HLTF: variants seen among roughly 807,000 people sequenced by gnomAD.
The protein encoded by HLTF is DNA-dependent ATPase/E3 ubiquitin-protein ligase HLTF.
HLTF carries 127 observed loss-of-function variants against 129.4 expected under a neutral mutation model. The ratio of observed to expected loss-of-function variants is 0.98; its 90% CI spans 0.85 to 1.14. The LOEUF is 1.14. HLTF is among the 50% of genes most tolerant of loss of function. HLTF has a pLI of 0.00. For missense variants in HLTF, 1,139 were observed against 1,187.1 expected (o/e 0.96, Z 0.60); for synonymous variants, 332 against 388.8 (o/e 0.85, Z 1.72).
intron 24 of HLTF, 80 bp downstream of exon 24, chr3:149,034,835 CATA>C (rs1392997085): frequency 2.3e-6 from 2 of 886,930 alleles, no homozygotes; most frequent in African/African-American, 1.7e-5. Flanking sequence ...TACACTCAAT[CATA>C]ATAATATATT....
At chr3:149,060,535 A>C in intron 12 of HLTF, 108 bp downstream of exon 12, 2 of 831,244 alleles carry the variant, frequency 2.4e-6, no homozygotes, top group South Asian at 3.5e-5. Context: ...ACATCAGCCA[A>C]GTTTAAGAGC....
chr3:149,035,788 G>A (rs1715557342), intron 23 of HLTF, among the ~76,000 whole-genome samples: 2 of 151,380 alleles, frequency 1.3e-5, no homozygotes, highest in South Asian at 4.2e-4. Context: ...GCTAAAAAAA[G>A]TACCATTAGC....
At chr3:149,063,061 CTT>C (rs1307239006) in intron 10 of HLTF, 12 of 456,536 alleles carry the variant, frequency 2.6e-5, no homozygotes, top group Admixed American at 4.7e-5. Context: ...CTATCTCTCT[CTT>C]TTTCTTTTTT....
chr3:149,070,553 T>C (rs941835328), intron 7 of HLTF, among the ~76,000 whole-genome samples: 9 of 152,348 alleles, frequency 5.9e-5, no homozygotes, highest in Admixed American at 5.9e-4. Flanking sequence ...AAATCAGTAA[T>C]TTTTATGAGT....
At chr3:149,044,981 T>C (rs1016684536) in intron 18 of HLTF, among the ~76,000 whole-genome samples, 3 of 152,160 alleles carry the variant, frequency 2.0e-5, no homozygotes, top group Non-Finnish European at 4.4e-5. Flanking sequence ...AGAGTGATCT[T>C]TTAAAAATAT....
intron 14 of HLTF, among the ~76,000 whole-genome samples, chr3:149,054,853 G>A (rs754895989): frequency 5.9e-5 from 9 of 152,156 alleles, no homozygotes; most frequent in Non-Finnish European, 1.0e-4. Flanking sequence ...TAACAGTTAT[G>A]AGAATTAAAT....
intron 19 of HLTF, 102 bp from the exon 20 acceptor site, chr3:149,041,770 C>G: frequency 2.5e-6 from 2 of 812,200 alleles, no homozygotes; most frequent in East Asian, 2.5e-5. Context: ...GGGAAAGTCT[C>G]TCATCATTTT....
At chr3:149,072,106 A>T (rs758823272) in intron 5 of HLTF, among the ~76,000 whole-genome samples, 2 of 152,134 alleles carry the variant, frequency 1.3e-5, no homozygotes, top group Non-Finnish European at 2.9e-5. Context: ...AACTAGTCAA[A>T]CGCCAAAAAG....
At position 149,030,439 on chromosome 3, in the gene HLTF, A is replaced by AAAC. The variant is rs1413678464; in HGVS notation, c.*1778_*1780dup. The AAAC allele has an allele frequency of 6.6e-6, 1 of 151,948 alleles. No individual in the cohort carries two copies. The highest frequency in any genetic ancestry group is 1.5e-5 in the Non-Finnish European group (1 of 67,984). The allele number at this position is 151,948 out of a possible 1,614,324, so 9.4% of individuals were successfully genotyped here. Reference sequence around the variant, plus strand: ...AAACTTACTTATGAGTGTGTTTTAAAAACAACTTTGTAAATGTCTGGGCAA... The same window carrying AAAC: ...AAACTTACTTATGAGTGTGTTTTAAAAACAACAACTTTGTAAATGTCTGGGCAA... On this transcript the variant is annotated 3_prime_UTR_variant, in exon 25 of 25. Transcript: ENST00000310053.
rs1718214135 is a variant in HLTF, at chr3:149,064,775, CA to C, written c.1066+15del. On this transcript the variant is annotated intron_variant, in intron 9 of 24. Coordinates refer to ENST00000310053, the MANE Select transcript of HLTF (RefSeq NM_003071.4). The stretch of plus-strand genomic sequence containing the variant: ...TACCAGATCAAATATTGGATCATTT[CA>C]AAATTAGCATTTACCTTTGCTTAGT... The C allele has an allele frequency of 6.8e-7, 1 of 1,463,970 alleles. No homozygotes were observed. The highest frequency in any genetic ancestry group is 9.6e-7 in the Non-Finnish European group (1 of 1,046,406). The allele number at this position is 1,463,970 out of a possible 1,614,324, so 90.7% of individuals were successfully genotyped here.
intron 13 of HLTF, among the ~76,000 whole-genome samples, chr3:149,057,426 A>AAAAC (rs538092577): frequency 0.051 from 7,721 of 152,108 alleles, 282 homozygotes; most frequent in Admixed American, 0.088. Context: ...ACTCCGTCTC[A>AAAAC]AAACAAACAA....
chr3:149,032,861 G>A (rs1216680418), intron 24 of HLTF, among the ~76,000 whole-genome samples: 1 of 151,648 alleles, frequency 6.6e-6, no homozygotes, highest in East Asian at 1.9e-4. Flanking sequence ...TACTCGGGAG[G>A]CTGAGGCAGG....
chr3:149,039,981 TTA>T, intron 21 of HLTF, 48 bp downstream of exon 21: 1 of 1,512,024 alleles, frequency 6.6e-7, no homozygotes, highest in Non-Finnish European at 9.0e-7. Flanking sequence ...GTATATTTCC[TTA>T]TATAAAGGTA....
chr3:149,045,428 CT>C (rs887045324), intron 18 of HLTF, among the ~76,000 whole-genome samples: 19 of 152,218 alleles, frequency 1.2e-4, no homozygotes, highest in African/African-American at 4.3e-4. Flanking sequence ...GCATTTTTGT[CT>C]GTTTTATTCT....
intron 1 of HLTF, 33 bp downstream of exon 1, chr3:149,086,284 G>T: frequency 6.3e-7 from 1 of 1,598,018 alleles, no homozygotes; most frequent in Non-Finnish European, 8.5e-7. Context: ...CAGGCCGTTA[G>T]ACCGAGCGCC....
At chr3:149,042,740 T>C (rs1379389422) in intron 18 of HLTF, among the ~76,000 whole-genome samples, 1 of 151,988 alleles carries the variant, frequency 6.6e-6, no homozygotes, top group South Asian at 2.1e-4. Flanking sequence ...AAAAAAAGAC[T>C]ATGGGCACAG....
At chr3:149,060,453 T>C (rs563137546) in intron 12 of HLTF, among the ~76,000 whole-genome samples, 190 bp downstream of exon 12, 1 of 152,314 alleles carries the variant, frequency 6.6e-6, no homozygotes, top group South Asian at 2.1e-4. Context: ...TTTGCAACTA[T>C]TTATTCACTT....
intron 10 of HLTF, 138 bp from the exon 11 acceptor site, chr3:149,060,996 A>G (rs1373996964): frequency 4.8e-6 from 3 of 628,892 alleles, no homozygotes; most frequent in Non-Finnish European, 8.3e-6. Flanking sequence ...GATTTTGACA[A>G]ATGAAAGTCA....
At chr3:149,032,971 A>AC (rs1553735771) in intron 24 of HLTF, among the ~76,000 whole-genome samples, 92 of 141,114 alleles carry the variant, frequency 6.5e-4, no homozygotes, top group East Asian at 1.4e-3. Flanking sequence ...AAAAAAAAAA[A>AC]AAAAAACAAA....
Sources: allele counts gnomAD v4.1 joint callset (sites outside exome capture counted in the v4.1 genomes callset), GRCh38; gene constraint gnomAD v4.1.1; transcripts MANE v1.5; gene names NCBI Gene and HGNC (gene_info 2026-07-23, HGNC 2026-07-21).